The following NFIA variants were observed in gnomAD, a reference collection of about 807,000 sequenced individuals.
NFIA encodes the protein nuclear factor 1 A-type.
In NFIA, 8 loss-of-function variants were observed where a neutral mutation model predicts 62.8. That is an observed-to-expected ratio of 0.13 (90% CI 0.07 to 0.23). NFIA has a LOEUF of 0.23. NFIA is among the 10% of genes least tolerant of loss of function. NFIA has a pLI of 1.00. For missense variants in NFIA, 410 were observed against 642.1 expected (o/e 0.64, Z 3.91); for synonymous variants, 235 against 238.1 (o/e 0.99, Z 0.12).
chr1:61,282,411 A>T (rs975844534), intron 3 of NFIA, among the ~76,000 whole-genome samples: 9 of 152,220 alleles, frequency 5.9e-5, no homozygotes, highest in Non-Finnish European at 8.8e-5. Flanking sequence ...AACTTTTGTG[A>T]ACTCCCATGA....
intron 2 of NFIA, among the ~76,000 whole-genome samples, chr1:61,212,730 A>G (rs1168449451): frequency 6.6e-6 from 1 of 152,244 alleles, no homozygotes; most frequent in Non-Finnish European, 1.5e-5. Flanking sequence ...AGGCACAGAC[A>G]CTGCATTCAG....
chr1:61,452,057 T>A (rs1388778305), intron 10 of NFIA, among the ~76,000 whole-genome samples: 1 of 152,224 alleles, frequency 6.6e-6, no homozygotes, highest in Non-Finnish European at 1.5e-5. Context: ...ACTGCTTGCA[T>A]AATAGAAATT....
chr1:61,286,445 T>C (rs12742161), intron 3 of NFIA, among the ~76,000 whole-genome samples: 1 of 135,976 alleles, frequency 7.4e-6, no homozygotes. Flanking sequence ...AAAAAAAAAA[T>C]AGAATTGCTG....
At chr1:61,382,554 G>T (rs1017296326) in intron 6 of NFIA, among the ~76,000 whole-genome samples, 1 of 152,070 alleles carries the variant, frequency 6.6e-6, no homozygotes, top group East Asian at 1.9e-4. Flanking sequence ...TTTCAATGGT[G>T]TCATAGTATA....
In NFIA at chr1:61,462,267, A is replaced by T. The variant is rs986749506; in HGVS notation, c.*6947A>T. The T allele has an allele frequency of 6.6e-6, 1 of 151,916 alleles. No individual in the cohort carries two copies. Among genetic ancestry groups the T allele is most frequent in the African/African-American group, 2.4e-5 (1 of 41,352 alleles). The allele number at this position is 151,916 out of a possible 1,614,324, so 9.4% of individuals were successfully genotyped here. On this transcript the variant is annotated 3_prime_UTR_variant, in exon 11 of 11. Transcript: ENST00000403491. ...ATCAGGTTCTAGGAGGTCCTTTAGG[A>T]AGACTCTCAAAGGCAAATCCCTGAT...
chr1:61,113,529 G>T (rs1646741245), intron 2 of NFIA, among the ~76,000 whole-genome samples: 1 of 150,342 alleles, frequency 6.7e-6, no homozygotes, highest in Non-Finnish European at 1.5e-5. Context: ...TTGAGGCGGA[G>T]GTTGTAATGA....
At chr1:61,293,052 T>C (rs1658990003) in intron 3 of NFIA, among the ~76,000 whole-genome samples, 1 of 152,150 alleles carries the variant, frequency 6.6e-6, no homozygotes, top group Admixed American at 6.6e-5. Flanking sequence ...GAGGGCGAGT[T>C]TGGGCACTTC....
Position 61,406,542 on chromosome 1 carries a change from T to TTGGGGGGGGGG in NFIA, c.1255-20_1255-19insTGGGGGGGGGG. On this transcript the variant is annotated intron_variant, in intron 8 of 10. Transcript: ENST00000403491. ...TTCTTTTTCTTGTACGTGTGTTTTC[T>TTGGGGGGGGGG]GCCCCCCCCCCCCCCACAGCCCAAT... 4.0e-6 allele frequency: 5 copies of TTGGGGGGGGGG among 1,253,820 alleles called. No individual in the cohort carries two copies. The highest frequency in any genetic ancestry group is 5.4e-6 in the Non-Finnish European group (5 of 931,738). The allele number at this position is 1,253,820 out of a possible 1,614,324, so 77.7% of individuals were successfully genotyped here.
intron 2 of NFIA, chr1:61,248,911 A>G (rs1383485334): frequency 6.6e-6 from 1 of 152,238 alleles, no homozygotes; most frequent in East Asian, 1.9e-4. Flanking sequence ...GTAGCATCTC[A>G]TGGTCCCTGT....
At chr1:61,431,815 C>T (rs749775909) in intron 10 of NFIA, among the ~76,000 whole-genome samples, 5 of 152,206 alleles carry the variant, frequency 3.3e-5, no homozygotes, top group Non-Finnish European at 7.3e-5. Context: ...GCATTTTGAG[C>T]TGTTGCCATT....
chr1:61,114,479 A>G (rs1646763341), intron 2 of NFIA, among the ~76,000 whole-genome samples: 1 of 152,218 alleles, frequency 6.6e-6, no homozygotes, highest in Non-Finnish European at 1.5e-5. Flanking sequence ...ACAGAGCAAG[A>G]TCCTTTCTCA....
Position 61,177,055 on chromosome 1 carries a change from A to G in NFIA, c.559+88375A>G, listed in dbSNP as rs190144768. Among the ~76,000 whole-genome samples the G allele has an allele frequency of 8.3e-3, 1,269 of 152,154 alleles. 10 individuals are homozygous for G. Among genetic ancestry groups the G allele is most frequent in the Non-Finnish European group, 0.014 (945 of 67,982 alleles). ...TGGGAGGCAGAGCTTGCAGTGAGCCAAGATCGCACCACTGCACTCCAGCCT... is the reference window on the plus strand; with the variant it reads ...TGGGAGGCAGAGCTTGCAGTGAGCCGAGATCGCACCACTGCACTCCAGCCT... On this transcript the variant is annotated intron_variant, in intron 2 of 10. Coordinates refer to ENST00000403491, the MANE Select transcript of NFIA (RefSeq NM_001134673.4).
intron 6 of NFIA, among the ~76,000 whole-genome samples, chr1:61,366,266 A>G (rs12568010): frequency 0.098 from 14,929 of 152,166 alleles, 912 homozygotes; most frequent in East Asian, 0.19. Context: ...AAGTACAGAC[A>G]TATCAGTAAG....
intron 2 of NFIA, among the ~76,000 whole-genome samples, chr1:61,165,441 C>T (rs1649503421): frequency 6.6e-6 from 1 of 152,150 alleles, no homozygotes; most frequent in African/African-American, 2.4e-5. Flanking sequence ...TGAAGTGCTA[C>T]CAAACCACGT....
rs538858123 is a variant in NFIA, at chr1:61,395,477, A to G, written c.1076-8627A>G. 4.6e-5 allele frequency among the ~76,000 whole-genome samples: 7 copies of G among 151,946 alleles called. No individual in the cohort carries two copies. In the South Asian group the frequency reaches 1.5e-3, roughly 32 times the overall value. On this transcript the variant is annotated intron_variant, in intron 7 of 10. Transcript: ENST00000403491. ...CTCCCTTTTTCTGTTAATCTCTGGA[A>G]TCATCCAATCTATGGTGGTTAGTTT...
At chr1:61,242,644 GTTAGT>G (rs538025393) in intron 2 of NFIA, among the ~76,000 whole-genome samples, 4 of 152,308 alleles carry the variant, frequency 2.6e-5, no homozygotes, top group South Asian at 4.1e-4. Context: ...TCTCCAGGCA[GTTAGT>G]TTAGTCAGTG....
At chr1:61,154,472 A>G (rs139058943) in intron 2 of NFIA, among the ~76,000 whole-genome samples, 2 of 152,106 alleles carry the variant, frequency 1.3e-5, no homozygotes, top group Non-Finnish European at 2.9e-5. Flanking sequence ...TATTTTTGAG[A>G]CAGGGTCTTA....
chr1:61,378,610 G>A (rs1431708244), intron 6 of NFIA, among the ~76,000 whole-genome samples: 2 of 152,184 alleles, frequency 1.3e-5, no homozygotes, highest in Non-Finnish European at 1.5e-5. Flanking sequence ...GCAACACACA[G>A]TTATTAATAT....
rs1208761820 is a variant in NFIA at position 61,117,519 on chromosome 1, T to C, written c.559+28839T>C. ...TAATGTTAAGAACAGGAAAAAAAAA[T>C]GTAGATTCCTGGATAGGCACAGTTT... On this transcript the variant is annotated intron_variant, in intron 2 of 10. Coordinates refer to ENST00000403491, the MANE Select transcript of NFIA (RefSeq NM_001134673.4). Among the ~76,000 whole-genome samples, 4 of 145,262 alleles carry C rather than the reference T, an allele frequency of 2.8e-5. No homozygotes were observed. The South Asian group carries it at 8.8e-4, about 32-fold the overall frequency.
Sources: gnomAD v4.1 joint callset for allele counts (sites outside exome capture counted in the v4.1 genomes callset) on GRCh38, gnomAD v4.1.1 for gene constraint, MANE v1.5 for transcripts, NCBI Gene and HGNC (gene_info 2026-07-23, HGNC 2026-07-21) for gene names.